GAS5: variants seen among roughly 807,000 people sequenced by gnomAD.
The protein encoded by GAS5 is growth arrest specific 5 (non-protein coding).
intron 6 of GAS5, chr1:173,865,125 G>T (rs1364584870): frequency 5.9e-6 from 2 of 340,346 alleles, no homozygotes; most frequent in Non-Finnish European, 1.1e-5. Flanking sequence ...CTTGAACCTG[G>T]GAGGCAGAGG....
intron 4 of GAS5, chr1:173,866,000 C>G (rs759794258): frequency 1.3e-5 from 7 of 519,198 alleles, no homozygotes; most frequent in Non-Finnish European, 2.7e-5. Context: ...CCTTCATGTT[C>G]AGTCAGCATT....
intron 7 of GAS5, chr1:173,864,236 C>G (rs1246730584): frequency 3.9e-6 from 2 of 515,438 alleles, no homozygotes; most frequent in Admixed American, 3.9e-5. Context: ...TTATAATAGT[C>G]CCAACATTTC....
intron 6 of GAS5, chr1:173,864,752 G>T: frequency 2.0e-6 from 1 of 511,480 alleles, no homozygotes; most frequent in Non-Finnish European, 3.9e-6. Context: ...ATACAATTAG[G>T]AGTAATCCAA....
chr1:173,866,869 T>G (rs753928397), intron 1 of GAS5: 2 of 765,474 alleles, frequency 2.6e-6, no homozygotes, highest in Admixed American at 3.4e-5. Context: ...ATAAATGCTG[T>G]TAACATTAAA....
At chr1:173,867,191 A>G, upstream of GAS5, 1 of 559,148 alleles carries the variant, frequency 1.8e-6, no homozygotes, top group South Asian at 2.5e-5. Context: ...GATACACTTA[A>G]TGTTACAAAG....
At chr1:173,864,939 C>T (rs757567844) in intron 6 of GAS5, 3 of 514,972 alleles carry the variant, frequency 5.8e-6, no homozygotes, top group East Asian at 5.5e-5. Context: ...AGACTTGAGG[C>T]GGGGCATGGT....
At chr1:173,865,606 G>C in intron 5 of GAS5, 1 of 519,204 alleles carries the variant, frequency 1.9e-6, no homozygotes, top group Non-Finnish European at 3.8e-6. Context: ...TCTTTTCAAA[G>C]TTGTCTGTCA....
upstream of GAS5, chr1:173,867,259 C>T: frequency 1.9e-6 from 1 of 514,148 alleles, no homozygotes; most frequent in Non-Finnish European, 3.4e-6. Flanking sequence ...TGGCTCACGG[C>T]TTGTAATCCC....
intron 7 of GAS5, chr1:173,864,083 A>C (rs1654177755): frequency 2.1e-6 from 1 of 484,574 alleles, no homozygotes; most frequent in African/African-American, 1.9e-5. Flanking sequence ...ACCCTGTCTC[A>C]AAAAATAAGA....
At chr1:173,867,817 T>A (rs538663987), upstream of GAS5, 6 of 515,144 alleles carry the variant, frequency 1.2e-5, no homozygotes, top group Admixed American at 3.9e-5. Context: ...ATGCACCATA[T>A]GTGCAATCCC....
rs1445778618 is a variant in GAS5, at chr1:173,866,109, C to T, written n.161+68G>A. On this transcript the variant is annotated intron_variant and non_coding_transcript_variant, in intron 4 of 7. Transcript: ENST00000651080. Reference sequence around the variant, plus strand: ...TAATGCATTCAGCACTAGGAGGTAACTAAAAAGCCATTTGTGCCGTAGGAA... The same window carrying T: ...TAATGCATTCAGCACTAGGAGGTAATTAAAAAGCCATTTGTGCCGTAGGAA... 1.4e-5 allele frequency: 7 copies of T among 508,794 alleles called. No individual in the cohort carries two copies. In the East Asian group the frequency reaches 3.8e-4, roughly 28 times the overall value. The allele number at this position is 508,794 out of a possible 1,614,324, so 31.5% of individuals were successfully genotyped here.
chr1:173,863,962 C>T, intron 7 of GAS5: 1 of 297,830 alleles, frequency 3.4e-6, no homozygotes, highest in Non-Finnish European at 6.8e-6. Flanking sequence ...CCATGAGACT[C>T]CATCAGGCAG....
chr1:173,867,958 A>G (rs1033330392), upstream of GAS5: 1 of 345,896 alleles, frequency 2.9e-6, no homozygotes, highest in Admixed American at 3.7e-5. Context: ...GATAAAACAT[A>G]CCTCACAGGA....
intron 6 of GAS5, chr1:173,865,460 A>G (rs1204070796): frequency 3.9e-6 from 2 of 510,600 alleles, no homozygotes; most frequent in Admixed American, 4.0e-5. Context: ...TAACATCAAT[A>G]AAACATGTAC....
At chr1:173,864,951 G>C (rs1166069749) in intron 6 of GAS5, 1 of 512,974 alleles carries the variant, frequency 1.9e-6, no homozygotes, top group Non-Finnish European at 3.9e-6. Context: ...GGGCATGGTG[G>C]CTCACGCCTG....
upstream of GAS5, chr1:173,867,989 G>T (rs552155993): frequency 8.0e-5 from 26 of 326,620 alleles, no homozygotes; most frequent in Non-Finnish European, 1.5e-4. Context: ...ACCTCGAAAA[G>T]ACAGTATGGT....
At chr1:173,866,331 A>G (rs369212964) in intron 3 of GAS5, 6 of 521,280 alleles carry the variant, frequency 1.2e-5, no homozygotes, top group Non-Finnish European at 1.9e-5. Flanking sequence ...ACATCTCTTC[A>G]TGATTAAATC....
At chr1:173,863,974 C>A (rs186249529) in intron 7 of GAS5, 267 of 317,066 alleles carry the variant, frequency 8.4e-4, no homozygotes, top group African/African-American at 5.4e-3. Context: ...ATCAGGCAGT[C>A]TACAAAGACC....
In GAS5 at chr1:173,866,684, A is replaced by T. The variant is rs558890642; in HGVS notation, n.91+77T>A. 4.3e-5 allele frequency: 33 copies of T among 765,210 alleles called. No individual in the cohort carries two copies. The African/African-American group carries it at 4.9e-4, about 11-fold the overall frequency. The allele number at this position is 765,210 out of a possible 1,614,324, so 47.4% of individuals were successfully genotyped here. A position where few individuals can be genotyped will look rare whatever the true frequency, so the allele number is the denominator to read the frequency against. On this transcript the variant is annotated intron_variant and non_coding_transcript_variant, in intron 2 of 7. Coordinates refer to ENST00000651080, the Ensembl canonical transcript of GAS5. Reference sequence around the variant, plus strand: ...AAGATCCTCATCATTCTAGCACTCAAGAGTAGCAAATAAACTGTCATCATT... The same window carrying T: ...AAGATCCTCATCATTCTAGCACTCATGAGTAGCAAATAAACTGTCATCATT...
Sources: allele counts gnomAD v4.1 joint callset, GRCh38; gene constraint gnomAD v4.1.1; transcripts MANE v1.5; gene names NCBI Gene and HGNC (gene_info 2026-07-23, HGNC 2026-07-21).